The following SH3D21 variants were observed in gnomAD, a reference collection of about 807,000 sequenced individuals.
The protein encoded by SH3D21 is manchette microtubule inner protein 1.
A neutral mutation model predicts 82.1 loss-of-function variants in SH3D21; 83 were observed. That is an observed-to-expected ratio of 1.01 (90% CI 0.85 to 1.21). SH3D21 has a LOEUF of 1.21. Ranked by LOEUF, SH3D21 falls within the 50% of genes most tolerant of loss-of-function variation. The pLI is 0.00. For missense variants in SH3D21, 980 were observed against 962.1 expected, an observed-to-expected ratio of 1.02 and a Z score of -0.25; for synonymous variants, 383 against 387.8, an observed-to-expected ratio of 0.99 and a Z score of 0.15.
At chr1:36,324,534 TAGAG>T (rs987772333), downstream of SH3D21, 28 of 152,236 alleles carry the variant, frequency 1.8e-4, no homozygotes, top group Admixed American at 1.8e-3. Context: ...GCGGGAGCCT[TAGAG>T]AGGAGGAGGA....
chr1:36,313,367 A>G (rs2124682989), intron 10 of SH3D21, among the ~76,000 whole-genome samples: 1 of 151,472 alleles, frequency 6.6e-6, no homozygotes, highest in Non-Finnish European at 1.5e-5. Context: ...GATGGGAATC[A>G]TCTTTCCTTG....
intron 14 of SH3D21, 56 bp downstream of exon 14, chr1:36,320,854 G>A: frequency 1.3e-6 from 2 of 1,550,624 alleles, no homozygotes; most frequent in East Asian, 2.4e-5. Flanking sequence ...GCCCTCACCT[G>A]CGCAGCCCCT....
At position 36,307,939 on chromosome 1, in the gene SH3D21, A is replaced by G; in HGVS notation, c.514A>G (p.Ser172Gly). The change falls in exon 7 of 16, where the codon AGC becomes GGC. Residue 172 changes from serine (S) to glycine (G), a missense_variant. Physicochemically the swap from Ser to Gly is moderately conservative, Grantham distance 56. Coordinates refer to ENST00000453908, the MANE Select transcript of SH3D21 (RefSeq NM_001162530.2). This position sits in a 1 kb window ranked among gnomAD's most constrained non-coding sequence, Gnocchi z 5.4. ...CTAGCTGAGCAGCCTGGCCTATGAC[A>G]GCCCTCCAGACTACCTGCAGACAGG... ...PPKLSSLAYD[S>G]PPDYLQTVSH... 1 of 1,551,688 alleles carries G rather than the reference A, an allele frequency of 6.4e-7. No individual in the cohort carries two copies. Among genetic ancestry groups the G allele is most frequent in the Non-Finnish European group, 8.7e-7 (1 of 1,146,994 alleles).
Position 36,320,751 on chromosome 1 carries a change from G to A in SH3D21, c.2088G>A (p.Glu696=), listed in dbSNP as rs1422880558. 8 of 1,601,762 alleles carry A rather than the reference G, an allele frequency of 5.0e-6. No individual in the cohort carries two copies. In the East Asian group the frequency reaches 1.8e-4, roughly 36 times the overall value. The change falls in exon 14 of 16, where the codon GAG becomes GAA. Residue 696 remains glutamate (E), a synonymous_variant. Coordinates refer to ENST00000453908, the MANE Select transcript of SH3D21 (RefSeq NM_001162530.2). The part of the protein sequence containing the change: ...EGVDVTSLRG[E]VESLRRALEL... Reference sequence around the variant, plus strand: ...TTGATGTAACGTCGCTGAGGGGCGAGGTGGAGTCTCTAAGGAGGGCGCTGG... The same window carrying A: ...TTGATGTAACGTCGCTGAGGGGCGAAGTGGAGTCTCTAAGGAGGGCGCTGG...
Position 36,319,142 on chromosome 1 carries a change from A to G in SH3D21, c.841A>G (p.Thr281Ala), listed in dbSNP as rs1357123867. The G allele has an allele frequency of 6.4e-7, 1 of 1,551,654 alleles. No individual in the cohort carries two copies. Among genetic ancestry groups the G allele is most frequent in the East Asian group, 2.4e-5 (1 of 40,906 alleles). ...LPTVKKLATA[T>A]TGPSKAKTSR... ...CACAGTCAAGAAGCTAGCAACAGCC[A>G]CCACTGGGCCCAGCAAAGCCAAGTA... Residue 281 changes from threonine (T) to alanine (A), a missense_variant, in exon 11 of 16, where the codon ACC becomes GCC. Physicochemically the swap from Thr to Ala is moderately conservative, Grantham distance 58. Transcript: ENST00000453908.
At chr1:36,312,176 T>C (rs1213787230) in intron 10 of SH3D21, among the ~76,000 whole-genome samples, 4 of 151,844 alleles carry the variant, frequency 2.6e-5, no homozygotes, top group South Asian at 2.1e-4. Flanking sequence ...AGACGCCCGC[T>C]ACCACGCCCG....
chr1:36,307,482 G>C lies in SH3D21; in HGVS notation c.346-35G>C. 6.5e-7 allele frequency: 1 copy of C among 1,549,170 alleles called. No individual in the cohort carries two copies. On this transcript the variant is annotated intron_variant, in intron 4 of 15. Transcript: ENST00000453908. This position sits in a 1 kb window ranked among gnomAD's most constrained non-coding sequence, Gnocchi z 5.4. ...GATTATCCTAGGGACTCTTGGGGCA[G>C]AACCAGACGCCTCTGCGTCCTCCCC...
In SH3D21 at chr1:36,321,092, C is replaced by A; in HGVS notation, c.2236C>A (p.Pro746Thr). The change falls in exon 16 of 16, where the codon CCG becomes ACG. Residue 746 changes from proline (P) to threonine (T), a missense_variant. Coordinates refer to ENST00000453908, the MANE Select transcript of SH3D21 (RefSeq NM_001162530.2). The surrounding 1 kb of genome is among the most constrained non-coding windows in gnomAD (Gnocchi z 6.1). ...GCAGGGGACCCAGAAGTCCCAGACC[C>A]CGCGCGTCATCCACACGCAGACGCA... ...VMQGTQKSQTPRVIHTQTQTY is the reference protein window; with the variant it reads ...VMQGTQKSQTTRVIHTQTQTY The A allele has an allele frequency of 1.2e-6, 2 of 1,612,358 alleles. No individual in the cohort carries two copies. The highest frequency in any genetic ancestry group is 1.7e-6 in the Non-Finnish European group (2 of 1,179,500).
At chr1:36,328,092 C>T, downstream of SH3D21, 2 of 458,190 alleles carry the variant, frequency 4.4e-6, no homozygotes, top group Non-Finnish European at 8.8e-6. Context: ...CTTCTCTGCC[C>T]TCCTATCTGC....
downstream of SH3D21, chr1:36,322,133 C>T (rs1557489497): frequency 7.4e-7 from 1 of 1,349,720 alleles, no homozygotes; most frequent in South Asian, 1.7e-5. Context: ...CCCCCGGGGT[C>T]TTCTGGCAGG....
downstream of SH3D21, chr1:36,322,531 G>A: frequency 6.2e-7 from 1 of 1,600,376 alleles, no homozygotes; most frequent in Non-Finnish European, 8.5e-7. Context: ...GGGCCCAGCC[G>A]AGTCACCGTG....
chr1:36,306,420 C>T lies in SH3D21; in HGVS notation c.-1C>T. 7 of 1,305,422 alleles carry T rather than the reference C, an allele frequency of 5.4e-6. No individual in the cohort carries two copies. The highest frequency in any genetic ancestry group is 7.1e-6 in the Non-Finnish European group (7 of 988,960). 80.9% of individuals were successfully genotyped at this position (1,305,422 alleles called of 1,614,324 possible). A position where few individuals can be genotyped will look rare whatever the true frequency, so the allele number is the denominator to read the frequency against. ...AGGCTCTGGAGGGCGCCCCGGAAAC[C>T]ATGGGTAAGTGCGGAGGCTTTGAGG... On this transcript the variant is annotated 5_prime_UTR_variant, in exon 1 of 16. Coordinates refer to ENST00000453908, the MANE Select transcript of SH3D21 (RefSeq NM_001162530.2). The surrounding 1 kb of genome is among the most constrained non-coding windows in gnomAD (Gnocchi z 4.5).
downstream of SH3D21, chr1:36,322,819 G>T (rs576634477): frequency 6.7e-6 from 10 of 1,484,034 alleles, no homozygotes; most frequent in East Asian, 4.7e-5. Context: ...TGGGGGCGAG[G>T]CCTGTAACCC....
At chr1:36,326,653 G>A (rs183162554), downstream of SH3D21, among the ~76,000 whole-genome samples, 8 of 152,314 alleles carry the variant, frequency 5.3e-5, no homozygotes, top group Admixed American at 4.6e-4. Flanking sequence ...GTGGGCCACT[G>A]TGGGCAAGAA....
At chr1:36,321,654 T>G (rs1482438914), downstream of SH3D21, 20 of 1,017,482 alleles carry the variant, frequency 2.0e-5, no homozygotes, top group Non-Finnish European at 1.4e-5. This position sits in a 1 kb window ranked among gnomAD's most constrained non-coding sequence, Gnocchi z 6.1. Context: ...GCACGCATGC[T>G]TACACCGGGG....
rs1557469842 is a variant in SH3D21 at position 36,306,980 on chromosome 1, T to C, written c.226+75T>C. On this transcript the variant is annotated intron_variant, in intron 3 of 15. Coordinates refer to ENST00000453908, the MANE Select transcript of SH3D21 (RefSeq NM_001162530.2). The surrounding 1 kb of genome is among the most constrained non-coding windows in gnomAD (Gnocchi z 4.5). ...GTGCGACCCCGGCGTCTCCGGCTCTTAGTGACGGGCGCGGCTCTGGGCGGG... is the reference window on the plus strand; with the variant it reads ...GTGCGACCCCGGCGTCTCCGGCTCTCAGTGACGGGCGCGGCTCTGGGCGGG... 2 of 1,367,710 alleles carry C rather than the reference T, an allele frequency of 1.5e-6. No homozygotes were observed. Among genetic ancestry groups the C allele is most frequent in the Non-Finnish European group, 1.9e-6 (2 of 1,052,922 alleles). 84.7% of individuals were successfully genotyped at this position (1,367,710 alleles called of 1,614,324 possible).
Position 36,320,346 on chromosome 1 carries a change from A to G in SH3D21, c.1683A>G (p.Pro561=). 1 of 1,613,258 alleles carries G rather than the reference A, an allele frequency of 6.2e-7. No individual in the cohort carries two copies. The highest frequency in any genetic ancestry group is 8.5e-7 in the Non-Finnish European group (1 of 1,179,962). Residue 561 remains proline (P), a synonymous_variant, in exon 14 of 16, where the codon CCA becomes CCG. Coordinates refer to ENST00000453908, the MANE Select transcript of SH3D21 (RefSeq NM_001162530.2). ...CCCTAGTTAGAGGGGACAGCTCCCCACGCCAGGCTGAGTTGAAGTCTGGGC... is the reference window on the plus strand; with the variant it reads ...CCCTAGTTAGAGGGGACAGCTCCCCGCGCCAGGCTGAGTTGAAGTCTGGGC... ...KCTLVRGDSS[P]RQAELKSGPA...
Position 36,308,466 on chromosome 1 carries a change from A to G in SH3D21, c.717A>G (p.Pro239=), listed in dbSNP as rs746188026. The G allele has an allele frequency of 6.4e-7, 1 of 1,551,536 alleles. No homozygotes were observed. The highest frequency in any genetic ancestry group is 1.2e-5 in the South Asian group (1 of 84,046). ...RGVFPDNFVL[P]PPPIKKLVPR... The stretch of plus-strand genomic sequence containing the variant: ...TTTTTCCAGACAACTTTGTACTCCC[A>G]CCACCCCCAGTGAGTACAGAGCCAA... The change falls in exon 9 of 16, where the codon CCA becomes CCG. Residue 239 remains proline, a synonymous_variant. Transcript: ENST00000453908.
In SH3D21 at chr1:36,306,489, C is replaced by A. The variant is rs1292928749; in HGVS notation, c.4+65C>A. On this transcript the variant is annotated intron_variant, in intron 1 of 15. Transcript: ENST00000453908. The surrounding 1 kb of genome is among the most constrained non-coding windows in gnomAD (Gnocchi z 4.5). The stretch of plus-strand genomic sequence containing the variant: ...GTGGACATAGCAAGAGCCCACACCA[C>A]CCCCCGACCCCCGCTGCCCTCTACG... The A allele has an allele frequency of 1.5e-6, 2 of 1,303,198 alleles. No individual in the cohort carries two copies. Among genetic ancestry groups the A allele is most frequent in the Non-Finnish European group, 2.0e-6 (2 of 987,572 alleles). 80.7% of individuals were successfully genotyped at this position (1,303,198 alleles called of 1,614,324 possible).
Sources: gnomAD v4.1 joint callset for allele counts (sites outside exome capture counted in the v4.1 genomes callset) on GRCh38, gnomAD v4.1.1 for gene constraint, Gnocchi (gnomAD v3.1) non-coding constraint, MANE v1.5 for transcripts, NCBI Gene and HGNC (gene_info 2026-07-23, HGNC 2026-07-21) for gene names.